The following POLDIP3 variants were observed in gnomAD, a reference collection of about 807,000 sequenced individuals.
POLDIP3 encodes polymerase delta-interacting protein 3.
Under a neutral mutation model 45.1 loss-of-function variants are expected in POLDIP3, and 14 were observed. That is an observed-to-expected ratio of 0.31 (90% CI 0.20 to 0.49). The LOEUF (loss-of-function observed/expected upper bound fraction) is 0.49. Among genes scored for constraint, POLDIP3 ranks in the 20% least tolerant of loss-of-function variants. The pLI, the probability that POLDIP3 is intolerant of heterozygous loss-of-function variation, is 0.99. For missense variants in POLDIP3, 511 were observed against 538.8 expected (o/e 0.95, Z 0.51); for synonymous variants, 223 against 205.2 (o/e 1.09, Z -0.74).
intron 1 of POLDIP3, among the ~76,000 whole-genome samples, chr22:42,606,154 G>A (rs772758783): frequency 6.6e-6 from 1 of 151,676 alleles, no homozygotes; most frequent in Non-Finnish European, 1.5e-5. Flanking sequence ...AAAAAATAAA[G>A]GACATGATCA....
chr22:42,591,601 C>G (rs192235878), intron 7 of POLDIP3, among the ~76,000 whole-genome samples: 1 of 152,188 alleles, frequency 6.6e-6, no homozygotes, highest in Non-Finnish European at 1.5e-5. Flanking sequence ...AACATTCAGA[C>G]AAAACTCCAG....
intron 7 of POLDIP3, among the ~76,000 whole-genome samples, chr22:42,590,168 C>A (rs1925576782): frequency 6.6e-6 from 1 of 152,134 alleles, no homozygotes; most frequent in South Asian, 2.1e-4. Context: ...GCAGTTACAG[C>A]CATGCTTAGA....
Position 42,584,894 on chromosome 22 carries a change from C to T in POLDIP3, c.*897G>A. On this transcript the variant is annotated 3_prime_UTR_variant, in exon 9 of 9. Transcript: ENST00000252115. ...AACTGACCTCTTCCATTCAAATAAGCTCCAAACCCAAGCACTGCACAATGG... is the reference window on the plus strand; with the variant it reads ...AACTGACCTCTTCCATTCAAATAAGTTCCAAACCCAAGCACTGCACAATGG... 1 of 456,252 alleles carries T rather than the reference C, an allele frequency of 2.2e-6. No homozygotes were observed. Among genetic ancestry groups the T allele is most frequent in the Non-Finnish European group, 4.4e-6 (1 of 226,964 alleles). The allele number at this position is 456,252 out of a possible 1,614,324, so 28.3% of individuals were successfully genotyped here. A position where few individuals can be genotyped will look rare whatever the true frequency, so the allele number is the denominator to read the frequency against.
chr22:42,610,411 C>T (rs1261251495), intron 1 of POLDIP3, among the ~76,000 whole-genome samples: 3 of 152,156 alleles, frequency 2.0e-5, no homozygotes, highest in Non-Finnish European at 4.4e-5. Flanking sequence ...CAACAACCTC[C>T]CACTTCCAGC....
At chr22:42,608,635 G>A (rs752320853) in intron 1 of POLDIP3, among the ~76,000 whole-genome samples, 2 of 152,104 alleles carry the variant, frequency 1.3e-5, no homozygotes, top group Non-Finnish European at 2.9e-5. Context: ...ACTCTCTAGC[G>A]ACCAAAGGGT....
chr22:42,590,988 C>T lies in POLDIP3; in HGVS notation c.1021+967G>A, dbSNP rs568888664. 9.2e-5 allele frequency among the ~76,000 whole-genome samples: 14 copies of T among 151,834 alleles called. No individual in the cohort carries two copies. In the East Asian group the frequency reaches 2.3e-3, roughly 25 times the overall value. On this transcript the variant is annotated intron_variant, in intron 7 of 8. Coordinates refer to ENST00000252115, the MANE Select transcript of POLDIP3 (RefSeq NM_032311.5). ...ACTTGGGAGGCTGAGGCAGGAAAGC[C>T]GCTTGAACCGGGGAGGCGGAGGTTG...
rs1199414016 is a variant in POLDIP3, at chr22:42,614,834, T to C, written c.24A>G (p.Glu8=). 7 of 1,613,964 alleles carry C rather than the reference T, an allele frequency of 4.3e-6. No individual in the cohort carries two copies. The highest frequency in any genetic ancestry group is 5.9e-6 in the Non-Finnish European group (7 of 1,179,930). MADISLD[E]LIRKRGAAAK... Reference sequence around the variant, plus strand: ...CCGCCGCCCCGCGCTTCCTGATGAGTTCGTCCAGGGAGATGTCCGCCATCT... The same window carrying C: ...CCGCCGCCCCGCGCTTCCTGATGAGCTCGTCCAGGGAGATGTCCGCCATCT... Residue 8 remains glutamate, a synonymous_variant, in exon 1 of 9, where the codon GAA becomes GAG. Transcript: ENST00000252115.
chr22:42,606,718 G>A (rs2146830440), intron 1 of POLDIP3, among the ~76,000 whole-genome samples: 1 of 152,304 alleles, frequency 6.6e-6, no homozygotes, highest in East Asian at 1.9e-4. Flanking sequence ...TTGACCTCCT[G>A]CCTCAGCCTT....
chr22:42,612,296 T>A (rs1321059226), intron 1 of POLDIP3, among the ~76,000 whole-genome samples: 1 of 152,200 alleles, frequency 6.6e-6, no homozygotes, highest in Non-Finnish European at 1.5e-5. Context: ...AATAACCTAA[T>A]AAAGTAGATA....
chr22:42,612,678 TAGAC>T (rs890245942), intron 1 of POLDIP3, among the ~76,000 whole-genome samples: 1 of 151,982 alleles, frequency 6.6e-6, no homozygotes, highest in African/African-American at 2.4e-5. Context: ...ATACAAAAAT[TAGAC>T]AGTCGTGGTG....
Position 42,585,271 on chromosome 22 carries a change from C to T in POLDIP3, c.*520G>A, listed in dbSNP as rs1292328006. On this transcript the variant is annotated 3_prime_UTR_variant, in exon 9 of 9. Coordinates refer to ENST00000252115, the MANE Select transcript of POLDIP3 (RefSeq NM_032311.5). ...GCCTGAGACCTGCTCCCCACCCAGGCACCTCCACTGACAAGACAGAGGAGC... is the reference window on the plus strand; with the variant it reads ...GCCTGAGACCTGCTCCCCACCCAGGTACCTCCACTGACAAGACAGAGGAGC... The T allele has an allele frequency of 3.9e-6, 2 of 515,542 alleles. No individual in the cohort carries two copies. Among genetic ancestry groups the T allele is most frequent in the African/African-American group, 3.9e-5 (2 of 51,882 alleles). 31.9% of individuals were successfully genotyped at this position (515,542 alleles called of 1,614,324 possible). A position where few individuals can be genotyped will look rare whatever the true frequency, so the allele number is the denominator to read the frequency against.
chr22:42,610,267 T>A (rs1227999892), intron 1 of POLDIP3, among the ~76,000 whole-genome samples: 2 of 152,252 alleles, frequency 1.3e-5, no homozygotes, highest in African/African-American at 4.8e-5. Flanking sequence ...CCTAGAGTTA[T>A]GTAATAACTC....
chr22:42,601,989 T>C lies in POLDIP3; in HGVS notation c.518A>G (p.Asn173Ser), dbSNP rs139233040. The change falls in exon 3 of 9, where the codon AAT becomes AGT. Residue 173 changes from asparagine to serine, a missense_variant. Around this residue, in one of 4 missense-constraint regions of POLDIP3, gnomAD observed 378 missense variants for 352.3 expected, o/e 1.07. Transcript: ENST00000252115. ...CTCTACCTGTTTGGCCTGGTGGTTA[T>C]TGACAACATTGATTCTCATTCCGGC... ...HPAGMRINVV[N>S]NHQAKQNLYD... 499 of 1,614,118 alleles carry C rather than the reference T, an allele frequency of 3.1e-4. No homozygotes were observed. The African/African-American group carries it at 3.4e-3, about 11-fold the overall frequency.
intron 7 of POLDIP3, among the ~76,000 whole-genome samples, chr22:42,591,017 T>C (rs1406006493): frequency 6.6e-6 from 1 of 150,616 alleles, no homozygotes; most frequent in African/African-American, 2.4e-5. Context: ...GAGGTTGCAG[T>C]GAGCTGAGAT....
rs202123654 is a variant in POLDIP3, at chr22:42,614,872, C to G, written c.-15G>C. 3.1e-6 allele frequency: 5 copies of G among 1,613,184 alleles called. No homozygotes were observed. The highest frequency in any genetic ancestry group is 4.2e-6 in the Non-Finnish European group (5 of 1,179,760). ...ATGTCCGCCATCTTGCTCCGCCGAG[C>G]AAGCCGAAAGCAGTCGAGACCCCGC... On this transcript the variant is annotated 5_prime_UTR_variant, in exon 1 of 9. Transcript: ENST00000252115.
Position 42,599,718 on chromosome 22 carries a change from C to A in POLDIP3, c.613G>T (p.Gly205Cys). 1 of 1,610,622 alleles carries A rather than the reference C, an allele frequency of 6.2e-7. No homozygotes were observed. Among genetic ancestry groups the A allele is most frequent in the Non-Finnish European group, 8.5e-7 (1 of 1,176,998 alleles). The change falls in exon 4 of 9, where the codon GGC becomes TGC. Residue 205 changes from glycine (G) to cysteine (C), a missense_variant. Gly to Cys is a radical substitution (Grantham distance 159). Around this residue, in one of 4 missense-constraint regions of POLDIP3, gnomAD observed 378 missense variants for 352.3 expected, o/e 1.07. Transcript: ENST00000252115. ...PTKQMKFAAS[G>C]GFLHHMAGLS... is the part of the protein sequence containing the mutation. Reference sequence around the variant, plus strand: ...CATACCATGTGGTGGAGAAAGCCGCCTGAGGCTGCAAACTTCATCTGTTTA... The same window carrying A: ...CATACCATGTGGTGGAGAAAGCCGCATGAGGCTGCAAACTTCATCTGTTTA...
chr22:42,605,214 G>A (rs1049702694), intron 1 of POLDIP3, among the ~76,000 whole-genome samples: 3 of 152,210 alleles, frequency 2.0e-5, no homozygotes, highest in African/African-American at 7.2e-5. Context: ...CGCAAGCTCC[G>A]CCTCCCGGGT....
At chr22:42,609,386 G>A (rs938100724) in intron 1 of POLDIP3, among the ~76,000 whole-genome samples, 2 of 152,178 alleles carry the variant, frequency 1.3e-5, no homozygotes, top group African/African-American at 4.8e-5. Context: ...AGCGCTGCTG[G>A]CAGGTGAGAA....
At chr22:42,597,159 C>T (rs1569299164) in intron 4 of POLDIP3, among the ~76,000 whole-genome samples, 1 of 152,178 alleles carries the variant, frequency 6.6e-6, no homozygotes, top group African/African-American at 2.4e-5. Flanking sequence ...AACAGCCCCT[C>T]CATCTGGATG....
Sources: allele counts gnomAD v4.1 joint callset (sites outside exome capture counted in the v4.1 genomes callset), GRCh38; gene constraint gnomAD v4.1.1; regional missense constraint gnomAD v4.1.1; transcripts MANE v1.5; gene names NCBI Gene and HGNC (gene_info 2026-07-23, HGNC 2026-07-21).